The following MYRFL variants were observed in gnomAD, a reference collection of about 807,000 sequenced individuals.
MYRFL encodes myelin regulatory factor like, also known as myelin regulatory factor-like protein.
A neutral mutation model predicts 109.4 loss-of-function variants in MYRFL; 88 were observed. The ratio of observed to expected loss-of-function variants is 0.80; its 90% CI spans 0.68 to 0.96. The LOEUF is 0.96. MYRFL is among the 40% of genes least tolerant of loss of function. MYRFL has a pLI of 0.00. For missense variants in MYRFL, 957 were observed against 954.9 expected (o/e 1.00, Z -0.03); for synonymous variants, 324 against 320.9 (o/e 1.01, Z -0.10).
At chr12:69,841,951 T>C (rs1009706968) in intron 1 of MYRFL, among the ~76,000 whole-genome samples, 15 of 152,214 alleles carry the variant, frequency 9.9e-5, no homozygotes, top group African/African-American at 3.6e-4. Context: ...ATGCTTGTAT[T>C]AGCCTCATTT....
intron 6 of MYRFL, 104 bp from the exon 7 acceptor site, chr12:69,890,867 T>A (rs1886756243): frequency 5.9e-6 from 5 of 843,732 alleles, no homozygotes; most frequent in Non-Finnish European, 8.0e-6. Context: ...AAAGGCACTT[T>A]TCACAGTACG....
At chr12:69,916,555 A>G (rs1333834797) in intron 13 of MYRFL, among the ~76,000 whole-genome samples, 2 of 152,204 alleles carry the variant, frequency 1.3e-5, no homozygotes, top group African/African-American at 2.4e-5. Context: ...TTTTTCTCCC[A>G]CACTATTATA....
intron 5 of MYRFL, among the ~76,000 whole-genome samples, chr12:69,880,959 T>TG (rs1886060242): frequency 6.8e-6 from 1 of 147,566 alleles, no homozygotes; most frequent in African/African-American, 2.5e-5. Flanking sequence ...CTGTTTTTTT[T>TG]TTTTTTTTTT....
At chr12:69,957,004 CA>C (rs1956112115) in intron 22 of MYRFL, among the ~76,000 whole-genome samples, 1 of 152,004 alleles carries the variant, frequency 6.6e-6, no homozygotes, top group Non-Finnish European at 1.5e-5. Context: ...TTTTAGTTTA[CA>C]AACCATTTTT....
chr12:69,846,750 C>T (rs571629459), intron 1 of MYRFL, among the ~76,000 whole-genome samples: 2,345 of 151,996 alleles, frequency 0.015, 57 homozygotes, highest in African/African-American at 0.054. Flanking sequence ...ATTTCTAGTT[C>T]TAGATCCCTG....
At chr12:69,836,436 G>A (rs1882947042) in intron 1 of MYRFL, among the ~76,000 whole-genome samples, 1 of 152,116 alleles carries the variant, frequency 6.6e-6, no homozygotes, top group Admixed American at 6.5e-5. Context: ...CAGCACTCCC[G>A]CATCAGTCCT....
chr12:69,832,602 C>T (rs1245905945), intron 1 of MYRFL, among the ~76,000 whole-genome samples: 1 of 152,030 alleles, frequency 6.6e-6, no homozygotes, highest in African/African-American at 2.4e-5. Flanking sequence ...TGACCAGAAG[C>T]AAGTCATGCA....
At chr12:69,894,926 G>A (rs1047084384) in intron 8 of MYRFL, among the ~76,000 whole-genome samples, 1 of 152,222 alleles carries the variant, frequency 6.6e-6, no homozygotes, top group Non-Finnish European at 1.5e-5. Flanking sequence ...CCTTCCTTTG[G>A]AGGAAGCTGC....
intron 16 of MYRFL, among the ~76,000 whole-genome samples, chr12:69,934,781 C>T (rs551035896): frequency 5.6e-4 from 85 of 152,262 alleles, no homozygotes; most frequent in Non-Finnish European, 8.2e-4. Flanking sequence ...CTGACTGAGG[C>T]TGATGTTTTT....
chr12:69,866,219 C>T (rs1236542878), intron 2 of MYRFL, among the ~76,000 whole-genome samples: 4 of 151,830 alleles, frequency 2.6e-5, no homozygotes, highest in Non-Finnish European at 5.9e-5. Flanking sequence ...TAGATCCGAG[C>T]CATAGTTCAT....
intron 13 of MYRFL, among the ~76,000 whole-genome samples, chr12:69,912,840 A>G (rs1954615413): frequency 6.6e-6 from 1 of 152,218 alleles, no homozygotes; most frequent in Admixed American, 6.5e-5. Context: ...CTGCTGGATC[A>G]CATGGCAATT....
At chr12:69,852,996 G>C (rs1393333638) in intron 1 of MYRFL, among the ~76,000 whole-genome samples, 1 of 152,218 alleles carries the variant, frequency 6.6e-6, no homozygotes, top group South Asian at 2.1e-4. Context: ...TTTCTACACA[G>C]ACACCGTAAC....
chr12:69,874,967 A>AC (rs1491008909), intron 2 of MYRFL, among the ~76,000 whole-genome samples: 226 of 151,378 alleles, frequency 1.5e-3, no homozygotes, highest in Non-Finnish European at 2.5e-3. Flanking sequence ...ATGTATCTTT[A>AC]AAGATATAAA....
chr12:69,922,066 G>A (rs1319183532), intron 13 of MYRFL, among the ~76,000 whole-genome samples: 2 of 152,058 alleles, frequency 1.3e-5, no homozygotes, highest in African/African-American at 4.8e-5. Flanking sequence ...GAAGTGGGTG[G>A]CTTTGGGAGA....
intron 1 of MYRFL, among the ~76,000 whole-genome samples, chr12:69,838,184 C>T (rs768583280): frequency 2.0e-5 from 3 of 152,172 alleles, no homozygotes; most frequent in Non-Finnish European, 4.4e-5. Context: ...CTTGTCACAT[C>T]TTGCTGAACT....
At chr12:69,829,513 A>G (rs1255223355) in intron 1 of MYRFL, among the ~76,000 whole-genome samples, 3 of 152,088 alleles carry the variant, frequency 2.0e-5, no homozygotes, top group Admixed American at 6.6e-5. Flanking sequence ...CGTTGCTTGG[A>G]AAAAGTGCCT....
At chr12:69,887,081 C>T (rs927907559) in intron 6 of MYRFL, 111 bp downstream of exon 6, 89 of 1,150,832 alleles carry the variant, frequency 7.7e-5, no homozygotes, top group South Asian at 3.2e-4. Context: ...TGGGGCAAAT[C>T]AGTGAGAAAG....
At chr12:69,926,548 T>A in intron 13 of MYRFL, 23 bp from the exon 14 acceptor site, 13 of 1,467,766 alleles carry the variant, frequency 8.9e-6, no homozygotes, top group Non-Finnish European at 1.2e-5. Flanking sequence ...ATTTATGCAC[T>A]CTGTTTGATT....
chr12:69,833,969 A>C (rs972762382), intron 1 of MYRFL, among the ~76,000 whole-genome samples: 1 of 152,084 alleles, frequency 6.6e-6, no homozygotes, highest in African/African-American at 2.4e-5. Flanking sequence ...AGTGGTAAAA[A>C]GGTAATGGTT....
Sources: allele counts gnomAD v4.1 joint callset (sites outside exome capture counted in the v4.1 genomes callset), GRCh38; gene constraint gnomAD v4.1.1; transcripts MANE v1.5; gene names NCBI Gene and HGNC (gene_info 2026-07-23, HGNC 2026-07-21).